Variants in UBE2O observed in about 807,000 individuals in gnomAD.
The protein encoded by UBE2O is (E3-independent) E2 ubiquitin-conjugating enzyme.
In UBE2O, 15 loss-of-function variants were observed where a neutral mutation model predicts 125.8. The observed-to-expected ratio is 0.12, with a 90% confidence interval of 0.08 to 0.18. The LOEUF (loss-of-function observed/expected upper bound fraction) is 0.18, where lower values mean the gene tolerates loss of function less well. Ranked by LOEUF, UBE2O falls within the 10% of genes least tolerant of loss-of-function variation. The pLI is 1.00. For synonymous variants in UBE2O, 708 were observed against 703.2 expected, an observed-to-expected ratio of 1.01 and a Z score of -0.11; for missense variants, 1,280 against 1,723.6, an observed-to-expected ratio of 0.74 and a Z score of 4.56.
chr17:76,407,157 G>A (rs56280331), intron 1 of UBE2O, among the ~76,000 whole-genome samples: 35,279 of 152,036 alleles, frequency 0.23, 4,458 homozygotes, highest in East Asian at 0.49. Context: ...GCAGCGGACC[G>A]CAGGTGGCAC....
In UBE2O at chr17:76,407,265, C is replaced by T. The variant is rs150614225; in HGVS notation, c.418-1693G>A. On this transcript the variant is annotated intron_variant, in intron 1 of 17. Transcript: ENST00000319380. Reference sequence around the variant, plus strand: ...GAAGACCCCTGAAAGGTCAGGCTCTCCTTATCTCTGCTCCAAGACCCCAGG... The same window carrying T: ...GAAGACCCCTGAAAGGTCAGGCTCTTCTTATCTCTGCTCCAAGACCCCAGG... Among the ~76,000 whole-genome samples the T allele has an allele frequency of 2.0e-3, 300 of 152,288 alleles. 11 individuals are homozygous for T. The East Asian group carries it at 0.05, about 26-fold the overall frequency.
rs2073258605 is a variant in UBE2O, at chr17:76,452,177, C to A, written c.417+548G>T. On this transcript the variant is annotated intron_variant, in intron 1 of 17. Coordinates refer to ENST00000319380, the MANE Select transcript of UBE2O (RefSeq NM_022066.4). This position sits in a 1 kb window ranked among gnomAD's most constrained non-coding sequence, Gnocchi z 4.4. ...GTTCCCTGCAGCAATTAAAAGGAGGCAGCAGGGTAAAACAAAAAGAGGCTG... is the reference window on the plus strand; with the variant it reads ...GTTCCCTGCAGCAATTAAAAGGAGGAAGCAGGGTAAAACAAAAAGAGGCTG... 2.0e-5 allele frequency among the ~76,000 whole-genome samples: 3 copies of A among 152,196 alleles called. No homozygotes were observed.
chr17:76,426,402 G>C (rs2072811006), intron 1 of UBE2O, among the ~76,000 whole-genome samples: 1 of 152,154 alleles, frequency 6.6e-6, no homozygotes, highest in Non-Finnish European at 1.5e-5. Context: ...CTGAGTACCT[G>C]TCTTAACTGG....
intron 1 of UBE2O, among the ~76,000 whole-genome samples, chr17:76,416,964 G>C (rs1345837472): frequency 6.6e-6 from 1 of 152,242 alleles, no homozygotes; most frequent in African/African-American, 2.4e-5. Context: ...GCAGGGGACA[G>C]AGATGTGGAG....
At chr17:76,439,784 T>G (rs984132994) in intron 1 of UBE2O, among the ~76,000 whole-genome samples, 13 of 152,114 alleles carry the variant, frequency 8.5e-5, no homozygotes, top group Admixed American at 7.9e-4. Context: ...TATTCCAAGC[T>G]CTTATCTTTC....
chr17:76,430,657 C>T, intron 1 of UBE2O: 1 of 327,542 alleles, frequency 3.1e-6, no homozygotes, highest in Non-Finnish European at 6.3e-6. Flanking sequence ...TTGCCACGGC[C>T]ATGCTTGTAG....
At chr17:76,436,499 A>G (rs1387302645) in intron 1 of UBE2O, among the ~76,000 whole-genome samples, 4 of 152,200 alleles carry the variant, frequency 2.6e-5, no homozygotes, top group African/African-American at 9.6e-5. Flanking sequence ...ATTGTCAGAG[A>G]CTGAAGAACA....
chr17:76,409,803 T>C (rs1169396858), intron 1 of UBE2O, among the ~76,000 whole-genome samples: 2 of 152,186 alleles, frequency 1.3e-5, no homozygotes, highest in Non-Finnish European at 1.5e-5. Context: ...AACAACACAG[T>C]TGCCCTCCGA....
At chr17:76,392,631 G>A (rs1435787994) in intron 15 of UBE2O, among the ~76,000 whole-genome samples, 1 of 151,584 alleles carries the variant, frequency 6.6e-6, no homozygotes, top group African/African-American at 2.4e-5. Context: ...ATCTTATCAG[G>A]TGTTTTTCCT....
At chr17:76,431,857 G>A (rs1364367155) in intron 1 of UBE2O, among the ~76,000 whole-genome samples, 3 of 152,136 alleles carry the variant, frequency 2.0e-5, no homozygotes, top group African/African-American at 4.8e-5. Context: ...CCACACATCC[G>A]CTCCTACAAA....
chr17:76,427,690 C>CT (rs748676202), intron 1 of UBE2O, among the ~76,000 whole-genome samples: 1 of 152,258 alleles, frequency 6.6e-6, no homozygotes. Flanking sequence ...TCGGGCATTC[C>CT]TGCAACATGT....
Position 76,399,929 on chromosome 17 carries a change from G to A in UBE2O, c.1156-8C>T, listed in dbSNP as rs370664701. 139 of 1,592,456 alleles carry A rather than the reference G, an allele frequency of 8.7e-5. No homozygotes were observed. The highest frequency in any genetic ancestry group is 1.7e-4 in the Middle Eastern group (1 of 5,956). ...CTTCAACAGGCGCTTCACCTGCAAGGGCGGAGCAGAGAGGACAGGGCTGTG... is the reference window on the plus strand; with the variant it reads ...CTTCAACAGGCGCTTCACCTGCAAGAGCGGAGCAGAGAGGACAGGGCTGTG... On this transcript the variant is annotated splice_polypyrimidine_tract_variant and splice_region_variant and intron_variant, in intron 8 of 17. Transcript: ENST00000319380. This position sits in a 1 kb window ranked among gnomAD's most constrained non-coding sequence, Gnocchi z 6.9.
At chr17:76,418,627 T>A (rs1282264881) in intron 1 of UBE2O, among the ~76,000 whole-genome samples, 1 of 151,122 alleles carries the variant, frequency 6.6e-6, no homozygotes, top group Non-Finnish European at 1.5e-5. Flanking sequence ...TGGAGTGCAG[T>A]GGCGCGATCT....
At chr17:76,393,274 G>A (rs959786543) in intron 15 of UBE2O, among the ~76,000 whole-genome samples, 37 of 101,364 alleles carry the variant, frequency 3.7e-4, no homozygotes, top group African/African-American at 1.2e-3. Flanking sequence ...TTTGGCTTAT[G>A]TGTTTTTTTG....
chr17:76,400,245 A>T lies in UBE2O; in HGVS notation c.1057T>A (p.Cys353Ser), dbSNP rs1481145554. ...ACCTTGGCTGGGAAGACATACAGAC[A>T]GCGCTCCCCAAGCTGCCGCTGAGCA... is the stretch of plus-strand genomic sequence containing the variant. ...DHAQRQLGER[C>S]LYVFPAKVEP... The change falls in exon 8 of 18, where the codon TGT becomes AGT. Residue 353 changes from cysteine (C) to serine (S), a missense_variant. By Grantham distance (112) the Cys-to-Ser change is moderately radical. This residue lies in a region of UBE2O where 206 missense variants were observed against 315.7 expected (regional missense o/e 0.65). Coordinates refer to ENST00000319380, the MANE Select transcript of UBE2O (RefSeq NM_022066.4). This position sits in a 1 kb window ranked among gnomAD's most constrained non-coding sequence, Gnocchi z 4.3. 1 of 1,613,990 alleles carries T rather than the reference A, an allele frequency of 6.2e-7. No homozygotes were observed. The highest frequency in any genetic ancestry group is 8.5e-7 in the Non-Finnish European group (1 of 1,180,000).
At position 76,396,249 on chromosome 17, in the gene UBE2O, T is replaced by A. The variant is rs1567831166; in HGVS notation, c.2688A>T (p.Ser896=). The change falls in exon 14 of 18, where the codon TCA becomes TCT. Residue 896 remains serine, a synonymous_variant. Transcript: ENST00000319380. The surrounding 1 kb of genome is among the most constrained non-coding windows in gnomAD (Gnocchi z 6.7). ...ERKEDKPEGQ[S]PVKAEWPSET... ...CGCTGGGCCACTCAGCCTTCACAGGTGACTGCCCCTCGGGCTTGTCCTCCT... is the reference window on the plus strand; with the variant it reads ...CGCTGGGCCACTCAGCCTTCACAGGAGACTGCCCCTCGGGCTTGTCCTCCT... The A allele has an allele frequency of 6.2e-7, 1 of 1,614,228 alleles. No homozygotes were observed. Among genetic ancestry groups the A allele is most frequent in the Middle Eastern group, 1.6e-4 (1 of 6,062 alleles).
chr17:76,443,379 C>G (rs1311074677), intron 1 of UBE2O, among the ~76,000 whole-genome samples: 1 of 152,170 alleles, frequency 6.6e-6, no homozygotes, highest in African/African-American at 2.4e-5. Context: ...ACCTCTGCCT[C>G]CTGGGTTCAA....
At chr17:76,431,275 G>A (rs2072902634) in intron 1 of UBE2O, among the ~76,000 whole-genome samples, 1 of 152,154 alleles carries the variant, frequency 6.6e-6, no homozygotes, top group South Asian at 2.1e-4. Context: ...ACTTTGGGAG[G>A]CTGAGGTGGG....
In UBE2O at chr17:76,390,326, G is replaced by C. The variant is rs1301985392; in HGVS notation, c.*617C>G. 2 of 152,824 alleles carry C rather than the reference G, an allele frequency of 1.3e-5. No homozygotes were observed. Among genetic ancestry groups the C allele is most frequent in the South Asian group, 2.1e-4 (1 of 4,834 alleles). 9.5% of individuals were successfully genotyped at this position (152,824 alleles called of 1,614,324 possible). On this transcript the variant is annotated 3_prime_UTR_variant, in exon 18 of 18. Transcript: ENST00000319380. ...CCTAGCCTGGTCCCAACCTCTCTTAGAGAGCAAGTTCAACAGGCCTGAGGG... is the reference window on the plus strand; with the variant it reads ...CCTAGCCTGGTCCCAACCTCTCTTACAGAGCAAGTTCAACAGGCCTGAGGG...
Sources: allele counts gnomAD v4.1 joint callset (sites outside exome capture counted in the v4.1 genomes callset), GRCh38; gene constraint gnomAD v4.1.1; regional missense constraint gnomAD v4.1.1; non-coding constraint Gnocchi (gnomAD v3.1); transcripts MANE v1.5; gene names NCBI Gene and HGNC (gene_info 2026-07-23, HGNC 2026-07-21).